Variants in UBE2H observed in about 807,000 individuals in gnomAD.
UBE2H encodes ubiquitin conjugating enzyme E2 H.
In UBE2H, 3 loss-of-function variants were observed where a neutral mutation model predicts 29.0. The observed-to-expected ratio is 0.10, with a 90% CI of 0.05 to 0.27. UBE2H has a LOEUF of 0.27. UBE2H is among the 10% of genes least tolerant of loss of function. The pLI, the probability that UBE2H is intolerant of heterozygous loss-of-function variation, is 1.00. For missense variants in UBE2H, 68 were observed against 228.2 expected (o/e 0.30, Z 4.52); for synonymous variants, 69 against 82.9 (o/e 0.83, Z 0.91).
chr7:129,883,060 T>C (rs184910247), intron 1 of UBE2H, among the ~76,000 whole-genome samples: 21 of 152,246 alleles, frequency 1.4e-4, no homozygotes, highest in African/African-American at 5.1e-4. Flanking sequence ...TGGGTAAAAC[T>C]GAAGTATAAA....
chr7:129,851,605 G>A (rs1003823816), intron 5 of UBE2H, among the ~76,000 whole-genome samples: 4 of 152,298 alleles, frequency 2.6e-5, no homozygotes, highest in East Asian at 3.9e-4. Context: ...AATCAAGAAT[G>A]AAACAAGCCC....
intron 1 of UBE2H, 55 bp downstream of exon 1, chr7:129,952,448 G>A: frequency 6.3e-7 from 1 of 1,595,864 alleles, no homozygotes; most frequent in South Asian, 1.1e-5. Context: ...GGGTGCCCTG[G>A]GCATCCCCAC....
chr7:129,834,756 T>G lies in UBE2H; in HGVS notation c.*181A>C. 36 of 720,312 alleles carry G rather than the reference T, an allele frequency of 5.0e-5. No individual in the cohort carries two copies. Among genetic ancestry groups the G allele is most frequent in the Non-Finnish European group, 7.2e-5 (34 of 474,188 alleles). 44.6% of individuals were successfully genotyped at this position (720,312 alleles called of 1,614,324 possible). A position where few individuals can be genotyped will look rare whatever the true frequency, so the allele number is the denominator to read the frequency against. ...TGGGAATATGCTATGCACCTCAGGT[T>G]GAGAAATGACCAAGAAATCAAGATC... On this transcript the variant is annotated 3_prime_UTR_variant, in exon 7 of 7. Transcript: ENST00000355621.
intron 1 of UBE2H, among the ~76,000 whole-genome samples, chr7:129,945,513 C>T (rs1473391511): frequency 1.3e-5 from 2 of 152,074 alleles, no homozygotes; most frequent in Non-Finnish European, 2.9e-5. Flanking sequence ...CCAACTAAAA[C>T]ACAACACAAC....
At chr7:129,869,653 G>A (rs1805988280) in intron 3 of UBE2H, among the ~76,000 whole-genome samples, 1 of 152,144 alleles carries the variant, frequency 6.6e-6, no homozygotes. Flanking sequence ...GAGGGTACCA[G>A]TAGGTAGGCA....
chr7:129,930,542 G>A (rs1355640487), intron 1 of UBE2H, among the ~76,000 whole-genome samples: 6 of 152,132 alleles, frequency 3.9e-5, no homozygotes, highest in Non-Finnish European at 5.9e-5. Context: ...AGGCCAAGGC[G>A]GGTGGATCAC....
At chr7:129,870,460 C>CA (rs903547798) in intron 3 of UBE2H, among the ~76,000 whole-genome samples, 5 of 152,054 alleles carry the variant, frequency 3.3e-5, no homozygotes, top group African/African-American at 9.7e-5. Context: ...ACAAAAAATG[C>CA]AAAAAAATTA....
At chr7:129,933,653 T>C (rs967766518) in intron 1 of UBE2H, among the ~76,000 whole-genome samples, 21 of 152,184 alleles carry the variant, frequency 1.4e-4, no homozygotes, top group South Asian at 2.1e-4. Context: ...CAGAAAAGAA[T>C]TGAATTCCCC....
chr7:129,838,043 A>G (rs552118931), intron 6 of UBE2H, among the ~76,000 whole-genome samples: 1 of 152,332 alleles, frequency 6.6e-6, no homozygotes, highest in East Asian at 1.9e-4. Context: ...AGTGATTCCT[A>G]TGTCAAAATT....
chr7:129,874,196 T>G, intron 3 of UBE2H, among the ~76,000 whole-genome samples: 1 of 152,158 alleles, frequency 6.6e-6, no homozygotes, highest in East Asian at 1.9e-4. Context: ...TGCTAGTGTT[T>G]AAGTAAAGTA....
Position 129,929,108 on chromosome 7 carries a change from C to T in UBE2H, c.53+23395G>A, listed in dbSNP as rs570802290. On this transcript the variant is annotated intron_variant, in intron 1 of 6. Coordinates refer to ENST00000355621, the MANE Select transcript of UBE2H (RefSeq NM_003344.4). ...CCGAGGCAGGCGGATCACCTGAGGT[C>T]GGGAGTTTGAGACCAGCCTGAACAA... Among the ~76,000 whole-genome samples, 283 of 152,140 alleles carry T rather than the reference C, an allele frequency of 1.9e-3. 2 individuals are homozygous for T. Among genetic ancestry groups the T allele is most frequent in the Middle Eastern group, 0.014 (4 of 292 alleles).
At chr7:129,899,926 G>A (rs559260780) in intron 1 of UBE2H, among the ~76,000 whole-genome samples, 6 of 152,204 alleles carry the variant, frequency 3.9e-5, no homozygotes, top group South Asian at 2.1e-4. Context: ...TGAGGAGTAC[G>A]AGACCAGCCT....
At chr7:129,882,776 A>G (rs1485662019) in intron 1 of UBE2H, among the ~76,000 whole-genome samples, 1 of 152,226 alleles carries the variant, frequency 6.6e-6, no homozygotes, top group Non-Finnish European at 1.5e-5. Flanking sequence ...AAGTAAAAGC[A>G]TAACATGCTT....
chr7:129,835,066 AC>A lies in UBE2H; in HGVS notation c.428-6del. 1.2e-6 allele frequency: 2 copies of A among 1,613,978 alleles called. No individual in the cohort carries two copies. The highest frequency in any genetic ancestry group is 1.7e-6 in the Non-Finnish European group (2 of 1,179,998). On this transcript the variant is annotated splice_polypyrimidine_tract_variant and splice_region_variant and intron_variant, in intron 6 of 6. Coordinates refer to ENST00000355621, the MANE Select transcript of UBE2H (RefSeq NM_003344.4). ...TGGCGTATTTCTGGATGTACTCTGCACGGGGTGGGAGAAAGACAACAAGGGC... is the reference window on the plus strand; with the variant it reads ...TGGCGTATTTCTGGATGTACTCTGCAGGGGTGGGAGAAAGACAACAAGGGC...
intron 3 of UBE2H, among the ~76,000 whole-genome samples, chr7:129,875,217 T>A (rs1464441072): frequency 5.3e-5 from 8 of 152,262 alleles, no homozygotes. Flanking sequence ...ACTGAACAGC[T>A]ATGGATAACA....
intron 3 of UBE2H, among the ~76,000 whole-genome samples, chr7:129,878,786 T>C (rs1212829552): frequency 6.6e-6 from 1 of 151,034 alleles, no homozygotes; most frequent in Non-Finnish European, 1.5e-5. Context: ...ATGCTCAATA[T>C]ATTACAATTT....
chr7:129,945,921 T>C (rs1213855069), intron 1 of UBE2H, among the ~76,000 whole-genome samples: 19 of 151,940 alleles, frequency 1.3e-4, no homozygotes, highest in African/African-American at 4.6e-4. Flanking sequence ...AATTTTGTAT[T>C]TTTTAGTAGA....
chr7:129,838,045 G>A (rs1232244396), intron 6 of UBE2H, among the ~76,000 whole-genome samples: 1 of 152,182 alleles, frequency 6.6e-6, no homozygotes, highest in Non-Finnish European at 1.5e-5. Context: ...TGATTCCTAT[G>A]TCAAAATTTT....
intron 1 of UBE2H, among the ~76,000 whole-genome samples, chr7:129,890,073 T>C (rs1253600536): frequency 6.6e-6 from 1 of 152,012 alleles, no homozygotes; most frequent in Non-Finnish European, 1.5e-5. Flanking sequence ...TTTGAGTCTG[T>C]AGTAAGCTAT....
Sources: allele counts gnomAD v4.1 joint callset (sites outside exome capture counted in the v4.1 genomes callset), GRCh38; gene constraint gnomAD v4.1.1; transcripts MANE v1.5; gene names NCBI Gene and HGNC (gene_info 2026-07-23, HGNC 2026-07-21).